Variants in TACC3 observed in about 807,000 individuals in gnomAD.
TACC3 encodes the protein transforming acidic coiled-coil containing protein 3.
A neutral mutation model predicts 86.0 loss-of-function variants in TACC3; 52 were observed. The observed-to-expected ratio is 0.60, with a 90% confidence interval of 0.48 to 0.76. The LOEUF (loss-of-function observed/expected upper bound fraction) is 0.76, where lower values mean the gene tolerates loss of function less well. TACC3 is among the 30% of genes least tolerant of loss of function. The pLI is 0.00. For synonymous variants in TACC3, 512 were observed against 430.0 expected, an observed-to-expected ratio of 1.19 and a Z score of -2.36; for missense variants, 1,120 against 1,070.4, an observed-to-expected ratio of 1.05 and a Z score of -0.65.
At position 1,723,867 on chromosome 4, in the gene TACC3, A is replaced by G. The variant is rs773412337; in HGVS notation, c.302A>G (p.Glu101Gly). 3.1e-6 allele frequency: 5 copies of G among 1,613,054 alleles called. No individual in the cohort carries two copies. Among genetic ancestry groups the G allele is most frequent in the Non-Finnish European group, 4.2e-6 (5 of 1,179,916 alleles). Reference protein sequence around the residue: ...ENSHPVWTQKENQQLIKEVDA... With the variant: ...ENSHPVWTQKGNQQLIKEVDA... ...TCACACCCGGTCTGGACACAGAAAG[A>G]GAAGTAAGTGTTGGTGCTGCTGGAC... is the stretch of plus-strand genomic sequence containing the variant. Residue 101 changes from glutamate (E) to glycine (G), a missense_variant, in exon 3 of 16, where the codon GAG (glutamate) becomes GGG (glycine). Glu to Gly is a moderately conservative substitution (Grantham distance 98). Coordinates refer to ENST00000313288, the MANE Select transcript of TACC3 (RefSeq NM_006342.3).
intron 1 of TACC3, among the ~76,000 whole-genome samples, chr4:1,722,510 A>G (rs1717455748): frequency 6.6e-6 from 1 of 151,946 alleles, no homozygotes; most frequent in Non-Finnish European, 1.5e-5. Flanking sequence ...CCACCCACAC[A>G]CAGCACCACA....
chr4:1,732,639 T>G (rs1049250657), intron 6 of TACC3, among the ~76,000 whole-genome samples: 40 of 152,214 alleles, frequency 2.6e-4, no homozygotes, highest in Non-Finnish European at 4.6e-4. Flanking sequence ...AGGATAGTTG[T>G]GGGCCGCCAC....
In TACC3 at chr4:1,728,036, C is replaced by A; in HGVS notation, c.634C>A (p.His212Asn). The A allele has an allele frequency of 6.2e-7, 1 of 1,612,862 alleles. No individual in the cohort carries two copies. Among genetic ancestry groups the A allele is most frequent in the Non-Finnish European group, 8.5e-7 (1 of 1,179,974 alleles). The part of the protein sequence containing the change: ...LEDPCRTESQ[H>N]KAETPHGAEE... ...AGACCCTTGCAGGACAGAGTCCCAG[C>A]ACAAAGCGGAGACTCCGCACGGAGC... Residue 212 changes from histidine (H) to asparagine (N), a missense_variant, in exon 4 of 16, where the codon CAC becomes AAC. Coordinates refer to ENST00000313288, the MANE Select transcript of TACC3 (RefSeq NM_006342.3).
intron 3 of TACC3, among the ~76,000 whole-genome samples, chr4:1,725,343 C>T (rs1560294073): frequency 6.6e-6 from 1 of 152,214 alleles, no homozygotes; most frequent in Non-Finnish European, 1.5e-5. Context: ...GTGCAGGCAG[C>T]ATTTCCTACA....
intron 6 of TACC3, among the ~76,000 whole-genome samples, chr4:1,733,599 A>G (rs1279637904): frequency 1.3e-5 from 2 of 152,186 alleles, no homozygotes; most frequent in African/African-American, 4.8e-5. Context: ...TCAAGGCTGC[A>G]GTGAGCCATG....
chr4:1,722,432 G>T (rs1717451359), intron 1 of TACC3, among the ~76,000 whole-genome samples: 1 of 152,192 alleles, frequency 6.6e-6, no homozygotes, highest in South Asian at 2.1e-4. Flanking sequence ...CCCGGGTCTG[G>T]TCTGGCATCT....
chr4:1,727,678 G>C (rs1300238891), intron 3 of TACC3, 30 bp from the exon 4 acceptor site: 1 of 1,546,114 alleles, frequency 6.5e-7, no homozygotes, highest in East Asian at 2.3e-5. Flanking sequence ...GGTACTCGCT[G>C]CTTCACGTTG....
intron 13 of TACC3, among the ~76,000 whole-genome samples, chr4:1,743,064 C>A (rs1018687771): frequency 2.6e-5 from 4 of 151,480 alleles, no homozygotes; most frequent in Non-Finnish European, 4.4e-5. Context: ...GAGTTCAAGA[C>A]CATTCTGGCC....
chr4:1,729,186 G>C (rs996820779), intron 4 of TACC3, among the ~76,000 whole-genome samples: 3 of 152,120 alleles, frequency 2.0e-5, no homozygotes, highest in African/African-American at 7.2e-5. Flanking sequence ...TGGGGTCTTG[G>C]CCGTGGGTCT....
intron 8 of TACC3, among the ~76,000 whole-genome samples, chr4:1,736,340 T>A (rs1436191482): frequency 7.0e-6 from 1 of 142,218 alleles, no homozygotes; most frequent in Admixed American, 7.6e-5. Flanking sequence ...GGAGAATTGC[T>A]TGAACCCAGG....
Position 1,739,761 on chromosome 4 carries a change from GA to G in TACC3, c.2003del (p.Lys668ArgfsTer38). On this transcript the variant is annotated frameshift_variant, in exon 11 of 16. Coordinates refer to ENST00000313288, the MANE Select transcript of TACC3 (RefSeq NM_006342.3). LOFTEE classifies it high-confidence loss of function. Reference protein sequence around the residue: ...LRSRCEELHGKNLELGKIMDR... With the variant: ...LRSRCEELHGXNLELGKIMDR... ...GGAGCAGGTGTGAGGAGCTCCACGG[GA>G]AGAACCTGGAACTGGGGTAAGGAGG... 1 of 1,585,718 alleles carries G rather than the reference GA, an allele frequency of 6.3e-7. No homozygotes were observed. The highest frequency in any genetic ancestry group is 8.6e-7 in the Non-Finnish European group (1 of 1,167,068).
Position 1,745,075 on chromosome 4 carries a change from T to C in TACC3, c.*62T>C. The stretch of plus-strand genomic sequence containing the variant: ...GTCTGTCTGTCCTGTCTGATTCTCT[T>C]AGGTGTCATGTTCTTTTTTCTGTCT... On this transcript the variant is annotated 3_prime_UTR_variant, in exon 16 of 16. Transcript: ENST00000313288. 1.3e-6 allele frequency: 2 copies of C among 1,504,856 alleles called. No homozygotes were observed. The highest frequency in any genetic ancestry group is 1.8e-6 in the Non-Finnish European group (2 of 1,110,404). The allele number at this position is 1,504,856 out of a possible 1,614,324, so 93.2% of individuals were successfully genotyped here. A position where few individuals can be genotyped will look rare whatever the true frequency, so the allele number is the denominator to read the frequency against.
chr4:1,740,982 G>T lies in TACC3; in HGVS notation c.2219G>T (p.Arg740Leu). 1.2e-6 allele frequency: 2 copies of T among 1,605,020 alleles called. No homozygotes were observed. The highest frequency in any genetic ancestry group is 1.7e-6 in the Non-Finnish European group (2 of 1,177,482). ...CAGAAAGAGGTGATCGAGGGCTACC[G>T]CAAGGTATGTCTCCGCCACCCTGGT... ...EKQKEVIEGY[R>L]KNEESLKKCV... Residue 740 changes from arginine (R) to leucine (L), a missense_variant, in exon 13 of 16, where the codon CGC becomes CTC. Transcript: ENST00000313288.
chr4:1,721,372 G>T (rs944981310), upstream of TACC3: 3 of 131,884 alleles, frequency 2.3e-5, no homozygotes, highest in African/African-American at 5.5e-5. Context: ...GCGCCCGAGC[G>T]GGGGGTGGGG....
chr4:1,745,102 G>C lies in TACC3; in HGVS notation c.*89G>C. On this transcript the variant is annotated 3_prime_UTR_variant, in exon 16 of 16. Coordinates refer to ENST00000313288, the MANE Select transcript of TACC3 (RefSeq NM_006342.3). Reference sequence around the variant, plus strand: ...GGTGTCATGTTCTTTTTTCTGTCTTGTCTTCAACTTTTTTAAAAACTAGAT... The same window carrying C: ...GGTGTCATGTTCTTTTTTCTGTCTTCTCTTCAACTTTTTTAAAAACTAGAT... 1 of 1,363,820 alleles carries C rather than the reference G, an allele frequency of 7.3e-7. No individual in the cohort carries two copies. Among genetic ancestry groups the C allele is most frequent in the East Asian group, 2.5e-5 (1 of 39,708 alleles). The allele number at this position is 1,363,820 out of a possible 1,614,324, so 84.5% of individuals were successfully genotyped here. A position where few individuals can be genotyped will look rare whatever the true frequency, so the allele number is the denominator to read the frequency against.
At position 1,739,960 on chromosome 4, in the gene TACC3, A is replaced by G; in HGVS notation, c.2020A>G (p.Lys674Glu). The change falls in exon 12 of 16, where the codon AAG (lysine) becomes GAG (glutamate). Residue 674 changes from lysine (K) to glutamate (E), a missense_variant and splice_region_variant. Physicochemically the swap from Lys to Glu is moderately conservative, Grantham distance 56. Coordinates refer to ENST00000313288, the MANE Select transcript of TACC3 (RefSeq NM_006342.3). ...ELHGKNLELGKIMDRFEEVVY... is the reference protein window; with the variant it reads ...ELHGKNLELGEIMDRFEEVVY... ...TGTGTGTCTGTTCTCCTCCCACAGG[A>G]AGATCATGGACAGGTTCGAAGAGGT... is the stretch of plus-strand genomic sequence containing the variant. 6 of 1,612,988 alleles carry G rather than the reference A, an allele frequency of 3.7e-6. No individual in the cohort carries two copies. Among genetic ancestry groups the G allele is most frequent in the Non-Finnish European group, 5.1e-6 (6 of 1,179,966 alleles).
intron 10 of TACC3, 197 bp downstream of exon 10, chr4:1,737,899 C>A: frequency 1.5e-6 from 1 of 685,386 alleles, no homozygotes; most frequent in Non-Finnish European, 2.7e-6. Context: ...GGCTTCCACC[C>A]AGTGTCCCCG....
chr4:1,721,231 C>T (rs1456367521), upstream of TACC3: 3 of 163,052 alleles, frequency 1.8e-5, no homozygotes, highest in East Asian at 5.6e-4. Flanking sequence ...TAGGCCTGAG[C>T]GAGGCCCTGG....
rs895241874 is a variant in TACC3, at chr4:1,735,333, C to A, written c.1644+8C>A. ...CAGTTTGGAACTTCCTCGGTAGGTACCAGGCAATTCCGCGAAGCCTCACCC... is the reference window on the plus strand; with the variant it reads ...CAGTTTGGAACTTCCTCGGTAGGTAACAGGCAATTCCGCGAAGCCTCACCC... On this transcript the variant is annotated splice_region_variant and intron_variant, in intron 7 of 15. Coordinates refer to ENST00000313288, the MANE Select transcript of TACC3 (RefSeq NM_006342.3). The surrounding 1 kb of genome is among the most constrained non-coding windows in gnomAD (Gnocchi z 4.2). 6.2e-7 allele frequency: 1 copy of A among 1,613,950 alleles called. No individual in the cohort carries two copies. Among genetic ancestry groups the A allele is most frequent in the Non-Finnish European group, 8.5e-7 (1 of 1,179,990 alleles).
Sources: allele counts gnomAD v4.1 joint callset (sites outside exome capture counted in the v4.1 genomes callset), GRCh38; gene constraint gnomAD v4.1.1; non-coding constraint Gnocchi (gnomAD v3.1); transcripts MANE v1.5; gene names NCBI Gene and HGNC (gene_info 2026-07-23, HGNC 2026-07-21).